The following NT5C1B variants were observed in gnomAD, a reference collection of about 807,000 sequenced individuals.
The protein encoded by NT5C1B is cytosolic 5'-nucleotidase 1B.
A neutral mutation model predicts 57.8 loss-of-function variants in NT5C1B; 44 were observed. The ratio of observed to expected loss-of-function variants is 0.76; its 90% CI spans 0.60 to 0.98. The LOEUF is 0.98. Ranked by LOEUF, NT5C1B falls within the 50% of genes least tolerant of loss-of-function variation. NT5C1B has a pLI of 0.00. For synonymous variants in NT5C1B, 284 were observed against 282.6 expected (o/e 1.00, Z -0.05); for missense variants, 742 against 719.5 (o/e 1.03, Z -0.36).
In NT5C1B at chr2:18,586,430, A is replaced by G. The variant is rs752302837; in HGVS notation, c.121-39T>C. 10 of 1,609,816 alleles carry G rather than the reference A, an allele frequency of 6.2e-6. No homozygotes were observed. In the South Asian group the frequency reaches 9.9e-5, roughly 16 times the overall value. On this transcript the variant is annotated intron_variant, in intron 2 of 8. Transcript: ENST00000304081. ...AAGAAACCCAACGGTGTAAAACCCC[A>G]TCACCAACTCCTTCTATACGTGTGC...
rs770540231 is a variant in NT5C1B, at chr2:18,585,043, C to G, written c.259-65G>C. 5 of 1,587,204 alleles carry G rather than the reference C, an allele frequency of 3.2e-6. No homozygotes were observed. In the African/African-American group the frequency reaches 5.4e-5, roughly 17 times the overall value. ...TGCCCATCTCCGGTCAAGGATCTGTCCCTTCTGCCTATTCCATTCCTAGAC... is the reference window on the plus strand; with the variant it reads ...TGCCCATCTCCGGTCAAGGATCTGTGCCTTCTGCCTATTCCATTCCTAGAC... On this transcript the variant is annotated intron_variant, in intron 3 of 8. Coordinates refer to ENST00000304081, the Ensembl canonical transcript of NT5C1B.
intron 5 of NT5C1B, chr2:18,583,674 G>C: frequency 2.7e-6 from 1 of 367,464 alleles, no homozygotes; most frequent in Non-Finnish European, 5.3e-6. Flanking sequence ...ACACTCCTAA[G>C]TGCCAAGGGC....
At chr2:18,583,628 G>GT in intron 5 of NT5C1B, 1 of 353,362 alleles carries the variant, frequency 2.8e-6, no homozygotes, top group Non-Finnish European at 5.6e-6. Context: ...ACATTTCAGT[G>GT]TAAGTTCAGA....
chr2:18,585,224 T>A, intron 3 of NT5C1B: 2 of 759,698 alleles, frequency 2.6e-6, no homozygotes, highest in African/African-American at 1.7e-5. Flanking sequence ...CACACGTTTT[T>A]ATTTGTTTGG....
intron 6 of NT5C1B, among the ~76,000 whole-genome samples, chr2:18,578,582 G>A (rs1665909921): frequency 6.6e-6 from 1 of 151,800 alleles, no homozygotes; most frequent in South Asian, 2.1e-4. Context: ...ATGCAAAAAA[G>A]GCTGTCAATA....
chr2:18,586,132 G>C, intron 3 of NT5C1B, 122 bp downstream of exon 3: 1 of 1,431,914 alleles, frequency 7.0e-7, no homozygotes, highest in African/African-American at 1.4e-5. Flanking sequence ...GTTCTCCCAA[G>C]GGCTAAATTA....
chr2:18,584,766 G>C lies in NT5C1B; in HGVS notation c.471C>G (p.Ala157=), dbSNP rs945617364. 3 of 1,613,680 alleles carry C rather than the reference G, an allele frequency of 1.9e-6. No homozygotes were observed. Among genetic ancestry groups the C allele is most frequent in the Non-Finnish European group, 2.5e-6 (3 of 1,179,836 alleles). ...GGCGGATTTCCCGCACGATGCCTTG[G>C]GCCCAGGCCTCCGGATTCTCTTGCA... Residue 157 remains alanine (A), a synonymous_variant, in exon 4 of 9, where the codon GCC becomes GCG. Coordinates refer to ENST00000304081, the Ensembl canonical transcript of NT5C1B. The surrounding 1 kb of genome is among the most constrained non-coding windows in gnomAD (Gnocchi z 5.8).
At chr2:18,585,140 C>T in intron 3 of NT5C1B, 162 bp from the exon 4 acceptor site, 1 of 928,354 alleles carries the variant, frequency 1.1e-6, no homozygotes, top group East Asian at 2.4e-5. Context: ...TAGGCCTCAG[C>T]TGTTTGATAT....
At chr2:18,574,556 A>G (rs1486051342) in intron 8 of NT5C1B, among the ~76,000 whole-genome samples, 1 of 152,150 alleles carries the variant, frequency 6.6e-6, no homozygotes, top group Non-Finnish European at 1.5e-5. Context: ...CATTATTCAC[A>G]ATGGCCAATA....
intron 8 of NT5C1B, among the ~76,000 whole-genome samples, chr2:18,565,499 T>C (rs1350227903): frequency 1.3e-5 from 2 of 152,182 alleles, no homozygotes; most frequent in Non-Finnish European, 2.9e-5. Context: ...CACAAGATCT[T>C]ATAAGTAGTG....
At chr2:18,587,721 T>C (rs1247004232) in intron 1 of NT5C1B, 129 bp from the exon 2 acceptor site, 11 of 988,146 alleles carry the variant, frequency 1.1e-5, no homozygotes, top group South Asian at 1.9e-5. Context: ...GTATAAACTC[T>C]AGACCTTAGT....
Position 18,584,216 on chromosome 2 carries a change from A to G in NT5C1B, c.763T>C (p.Cys255Arg), listed in dbSNP as rs888360441. ...CCGTCCACCATGTTGAAGAGCGCGC[A>G]GGATGAGAGAGCAATGGTGATGGCG... Residue 255 changes from cysteine to arginine, a missense_variant, in exon 5 of 9, where the codon TGC becomes CGC. By Grantham distance (180) the Cys-to-Arg change is radical. Coordinates refer to ENST00000304081, the Ensembl canonical transcript of NT5C1B. The surrounding 1 kb of genome is among the most constrained non-coding windows in gnomAD (Gnocchi z 5.8). 1.2e-6 allele frequency: 2 copies of G among 1,614,066 alleles called. No individual in the cohort carries two copies. The highest frequency in any genetic ancestry group is 1.7e-6 in the Non-Finnish European group (2 of 1,180,040).
intron 2 of NT5C1B, chr2:18,587,108 AC>A: frequency 1.2e-6 from 2 of 1,614,168 alleles, no homozygotes; most frequent in Non-Finnish European, 1.7e-6. Context: ...GGCAGCGTCT[AC>A]ACGACGAGTG....
At chr2:18,569,034 A>G (rs539613081) in intron 8 of NT5C1B, among the ~76,000 whole-genome samples, 1 of 152,318 alleles carries the variant, frequency 6.6e-6, no homozygotes, top group Non-Finnish European at 1.5e-5. Flanking sequence ...TGAGGTTCAC[A>G]GTAGCAAAGT....
chr2:18,562,991 A>G (rs1008385155), exon 9 of NT5C1B: 1 of 152,226 alleles, frequency 6.6e-6, no homozygotes, highest in African/African-American at 2.4e-5. Flanking sequence ...AAACAAAACA[A>G]AAATCATGAG....
chr2:18,578,427 A>G (rs1329477240), intron 6 of NT5C1B, among the ~76,000 whole-genome samples: 1 of 152,196 alleles, frequency 6.6e-6, no homozygotes, highest in Non-Finnish European at 1.5e-5. Context: ...ACTGTGATCA[A>G]GTAGGCTTTA....
At position 18,576,209 on chromosome 2, in the gene NT5C1B, A is replaced by C. The variant is rs1665657529; in HGVS notation, c.1304T>G (p.Leu435Ter). ...CTGAGCAAGAGGCTTACTTTCACATAATGTATCATACTGGAAGAATTTGTC... is the reference window on the plus strand; with the variant it reads ...CTGAGCAAGAGGCTTACTTTCACATCATGTATCATACTGGAAGAATTTGTC... The change falls in exon 8 of 9, where the codon TTA becomes TGA. Residue 435 changes from leucine (L) to a stop codon, truncating the protein, a stop_gained. Transcript: ENST00000304081. LOFTEE classifies it high-confidence loss of function. The C allele has an allele frequency of 6.2e-7, 1 of 1,612,614 alleles. No homozygotes were observed. The highest frequency in any genetic ancestry group is 8.5e-7 in the Non-Finnish European group (1 of 1,179,454).
At chr2:18,567,359 G>A (rs188253395) in intron 8 of NT5C1B, among the ~76,000 whole-genome samples, 142 of 152,284 alleles carry the variant, frequency 9.3e-4, no homozygotes, top group African/African-American at 3.3e-3. Flanking sequence ...TCTAACTTTG[G>A]GAGAATAAGA....
At chr2:18,574,118 C>A (rs186137424) in intron 8 of NT5C1B, among the ~76,000 whole-genome samples, 5 of 152,120 alleles carry the variant, frequency 3.3e-5, no homozygotes. Context: ...TACAACTCAA[C>A]AGCAAAATAA....
Sources: gnomAD v4.1 joint callset for allele counts (sites outside exome capture counted in the v4.1 genomes callset) on GRCh38, gnomAD v4.1.1 for gene constraint, Gnocchi (gnomAD v3.1) non-coding constraint, MANE v1.5 for transcripts, NCBI Gene and HGNC (gene_info 2026-07-23, HGNC 2026-07-21) for gene names.